Variants in ERC2 observed in about 807,000 individuals in gnomAD.
ERC2 encodes the protein ELKS/RAB6-interacting/CAST family member 2, also known as ERC protein 2.
ERC2 carries 42 observed loss-of-function variants against 114.8 expected under a neutral mutation model. The observed-to-expected ratio is 0.37, with a 90% CI of 0.29 to 0.47. The LOEUF (loss-of-function observed/expected upper bound fraction) is 0.47. ERC2 is among the 20% of genes least tolerant of loss of function. The pLI, the probability that ERC2 is intolerant of heterozygous loss-of-function variation, is 0.99. For synonymous variants in ERC2, 454 were observed against 425.5 expected, an observed-to-expected ratio of 1.07 and a Z score of -0.82; for missense variants, 939 against 1,150.7, an observed-to-expected ratio of 0.82 and a Z score of 2.66.
chr3:56,118,561 G>A (rs116030249), intron 6 of ERC2, among the ~76,000 whole-genome samples: 3,123 of 151,294 alleles, frequency 0.021, 48 homozygotes, highest in Middle Eastern at 0.045. Flanking sequence ...GTACTAATTT[G>A]TTCCTTTACA....
intron 3 of ERC2, among the ~76,000 whole-genome samples, chr3:56,196,612 C>T (rs1575780995): frequency 6.6e-6 from 1 of 150,878 alleles, no homozygotes; most frequent in African/African-American, 2.4e-5. Flanking sequence ...TCCACAAAGA[C>T]ACAAATAGAT....
Position 55,992,140 on chromosome 3 carries a change from C to T in ERC2, c.2172G>A (p.Ala724=), listed in dbSNP as rs769829210. 44 of 1,613,954 alleles carry T rather than the reference C, an allele frequency of 2.7e-5. No homozygotes were observed. The highest frequency in any genetic ancestry group is 2.4e-4 in the African/African-American group (18 of 75,018). Residue 724 remains alanine (A), a synonymous_variant, in exon 11 of 18, where the codon GCG becomes GCA. Coordinates refer to ENST00000288221, the MANE Select transcript of ERC2 (RefSeq NM_015576.3). ...GGATCTCCAGCAACCGGTCCACTTCCGCTTGGGCCTTGCCACACTCGTCGC... is the reference window on the plus strand; with the variant it reads ...GGATCTCCAGCAACCGGTCCACTTCTGCTTGGGCCTTGCCACACTCGTCGC... The part of the protein sequence containing the change: ...YYRDECGKAQ[A]EVDRLLEILK...
chr3:56,414,939 G>C (rs1183437628), intron 2 of ERC2, among the ~76,000 whole-genome samples: 1 of 152,204 alleles, frequency 6.6e-6, no homozygotes, highest in Non-Finnish European at 1.5e-5. Context: ...GGGTGGACCA[G>C]AGGAACACGG....
intron 17 of ERC2, among the ~76,000 whole-genome samples, chr3:55,635,611 G>A (rs1016290973): frequency 2.0e-5 from 3 of 151,800 alleles, no homozygotes; most frequent in East Asian, 3.9e-4. Flanking sequence ...AGCTGGTCTT[G>A]AACTCTTGGC....
intron 14 of ERC2, among the ~76,000 whole-genome samples, chr3:55,791,706 G>A (rs1438689026): frequency 6.6e-6 from 1 of 152,146 alleles, no homozygotes; most frequent in East Asian, 1.9e-4. Context: ...CAAAAACAGT[G>A]AAATTCTTAT....
At chr3:55,644,728 A>G (rs1258418364) in intron 17 of ERC2, among the ~76,000 whole-genome samples, 2 of 150,792 alleles carry the variant, frequency 1.3e-5, no homozygotes, top group East Asian at 1.9e-4. Context: ...GGTTATTTAT[A>G]TCTATGATCT....
intron 12 of ERC2, among the ~76,000 whole-genome samples, chr3:55,965,396 T>G (rs182120087): frequency 1.6e-3 from 246 of 152,374 alleles, no homozygotes; most frequent in Non-Finnish European, 2.8e-3. Flanking sequence ...ATTTAAGTAG[T>G]CTCATGTGGC....
chr3:55,639,810 GT>G (rs1240659588), intron 17 of ERC2, among the ~76,000 whole-genome samples: 4 of 152,110 alleles, frequency 2.6e-5, no homozygotes, highest in African/African-American at 9.7e-5. Context: ...ATGCACACAT[GT>G]TTAATTTTCA....
chr3:56,102,738 T>C (rs995631376), intron 6 of ERC2, among the ~76,000 whole-genome samples: 1 of 152,210 alleles, frequency 6.6e-6, no homozygotes, highest in African/African-American at 2.4e-5. Context: ...TTGAAGAAAG[T>C]GAAGGACTTA....
At chr3:56,283,999 A>T (rs1470451377) in intron 3 of ERC2, among the ~76,000 whole-genome samples, 1 of 152,274 alleles carries the variant, frequency 6.6e-6, no homozygotes, top group Non-Finnish European at 1.5e-5. Context: ...GCAAAAAAAG[A>T]ACTCTGCTTC....
intron 4 of ERC2, among the ~76,000 whole-genome samples, chr3:56,155,030 T>A (rs950476721): frequency 6.6e-6 from 1 of 152,218 alleles, no homozygotes; most frequent in African/African-American, 2.4e-5. Context: ...AGTGGCTACA[T>A]GGAAGTTTCC....
chr3:55,701,965 G>A (rs933559835), intron 15 of ERC2, among the ~76,000 whole-genome samples: 7 of 152,184 alleles, frequency 4.6e-5, no homozygotes, highest in South Asian at 4.1e-4. Context: ...ATGAAGGATG[G>A]AGCCTAAATG....
chr3:55,963,985 G>A (rs1203083389), intron 12 of ERC2, among the ~76,000 whole-genome samples: 5 of 152,114 alleles, frequency 3.3e-5, no homozygotes, highest in Admixed American at 1.3e-4. Flanking sequence ...AAAATAAAAC[G>A]GAGGTATAAG....
intron 14 of ERC2, among the ~76,000 whole-genome samples, chr3:55,880,019 C>G (rs531039637): frequency 2.6e-5 from 4 of 152,316 alleles, no homozygotes; most frequent in Admixed American, 1.3e-4. Context: ...TTGCACATAG[C>G]AGATGCTCAG....
chr3:56,158,316 T>C (rs1318000844), intron 4 of ERC2, among the ~76,000 whole-genome samples: 1 of 152,204 alleles, frequency 6.6e-6, no homozygotes, highest in Non-Finnish European at 1.5e-5. Flanking sequence ...AGACTTGCTA[T>C]TTTTTCTCCA....
At position 55,780,057 on chromosome 3, in the gene ERC2, A is replaced by C. The variant is rs570592244; in HGVS notation, c.2565-45139T>G. Among the ~76,000 whole-genome samples, 6 of 152,348 alleles carry C rather than the reference A, an allele frequency of 3.9e-5. 1 individual carries two copies. The South Asian group carries it at 1.0e-3, about 26-fold the overall frequency. Reference sequence around the variant, plus strand: ...AGAGCATATCTCTTTAATAAGGTCTATCTCATCTGAATAACAAACAAAGAA... The same window carrying C: ...AGAGCATATCTCTTTAATAAGGTCTCTCTCATCTGAATAACAAACAAAGAA... On this transcript the variant is annotated intron_variant, in intron 14 of 17. Transcript: ENST00000288221.
chr3:55,794,012 A>G (rs1575616009), intron 14 of ERC2, among the ~76,000 whole-genome samples: 2 of 152,304 alleles, frequency 1.3e-5, no homozygotes, highest in South Asian at 2.1e-4. Context: ...TAAAAGCAAA[A>G]CCATGTACCT....
At chr3:55,972,581 T>A (rs2149487708) in intron 12 of ERC2, among the ~76,000 whole-genome samples, 1 of 152,330 alleles carries the variant, frequency 6.6e-6, no homozygotes, top group Non-Finnish European at 1.5e-5. Flanking sequence ...TCCAGCTTCA[T>A]CCAAGCCCCT....
At chr3:55,992,355 AC>A in intron 10 of ERC2, 105 bp from the exon 11 acceptor site, 1 of 1,041,040 alleles carries the variant, frequency 9.6e-7, no homozygotes. Context: ...GAAAATCACC[AC>A]CAAGATTTAT....
Sources: gnomAD v4.1 joint callset for allele counts (sites outside exome capture counted in the v4.1 genomes callset) on GRCh38, gnomAD v4.1.1 for gene constraint, MANE v1.5 for transcripts, NCBI Gene and HGNC (gene_info 2026-07-23, HGNC 2026-07-21) for gene names.